The following PARD3 variants were observed in gnomAD, a reference collection of about 807,000 sequenced individuals.
The protein encoded by PARD3 is partitioning defective 3 homolog.
A neutral mutation model predicts 155.4 loss-of-function variants in PARD3; 75 were observed. The observed-to-expected ratio is 0.48, with a 90% confidence interval of 0.40 to 0.58. The LOEUF is 0.58. Ranked by LOEUF, PARD3 falls within the 20% of genes least tolerant of loss-of-function variation. PARD3 has a pLI of 0.00. For missense variants in PARD3, 1,642 were observed against 1,721.7 expected (o/e 0.95, Z 0.82); for synonymous variants, 576 against 610.5 (o/e 0.94, Z 0.83).
intron 3 of PARD3, among the ~76,000 whole-genome samples, chr10:34,497,249 A>G (rs1362479708): frequency 1.3e-5 from 2 of 152,222 alleles, no homozygotes; most frequent in African/African-American, 2.4e-5. Context: ...GAAAATAAAA[A>G]TAACAAATAA....
chr10:34,278,516 T>C (rs891295247), intron 21 of PARD3, among the ~76,000 whole-genome samples: 2 of 152,120 alleles, frequency 1.3e-5, no homozygotes, highest in African/African-American at 4.8e-5. Context: ...AGGAACCAGG[T>C]GGAGATAATT....
chr10:34,602,257 A>C (rs1037220929), intron 2 of PARD3, among the ~76,000 whole-genome samples: 9 of 152,198 alleles, frequency 5.9e-5, no homozygotes, highest in Non-Finnish European at 2.9e-5. Context: ...AAAAAATTTC[A>C]ATGTTACTAA....
intron 5 of PARD3, among the ~76,000 whole-genome samples, chr10:34,429,957 T>C (rs1285297736): frequency 6.6e-6 from 1 of 152,214 alleles, no homozygotes; most frequent in Non-Finnish European, 1.5e-5. Flanking sequence ...CTCGAACTCC[T>C]AGGCCCAAGC....
chr10:34,684,690 G>C (rs567999471), intron 2 of PARD3, among the ~76,000 whole-genome samples: 10 of 151,896 alleles, frequency 6.6e-5, no homozygotes, highest in Admixed American at 3.9e-4. Context: ...ACAGCCACCA[G>C]GGGGATATTT....
At chr10:34,600,169 T>C (rs1333706128) in intron 2 of PARD3, among the ~76,000 whole-genome samples, 1 of 134,718 alleles carries the variant, frequency 7.4e-6, no homozygotes, top group East Asian at 2.1e-4. Flanking sequence ...ACTCTGTCTC[T>C]ATCAAAAATA....
chr10:34,748,807 G>T (rs979644338), intron 1 of PARD3, among the ~76,000 whole-genome samples: 5 of 152,172 alleles, frequency 3.3e-5, no homozygotes, highest in African/African-American at 1.2e-4. Context: ...AGAGGTGGGT[G>T]ATGGTGCCTT....
chr10:34,248,421 C>A (rs929741408), intron 22 of PARD3, among the ~76,000 whole-genome samples: 1 of 152,230 alleles, frequency 6.6e-6, no homozygotes, highest in Non-Finnish European at 1.5e-5. Flanking sequence ...TTTTCTCTTT[C>A]AACCCCAATA....
At chr10:34,564,008 C>A (rs1406350561) in intron 2 of PARD3, among the ~76,000 whole-genome samples, 4 of 152,182 alleles carry the variant, frequency 2.6e-5, no homozygotes. Flanking sequence ...AATATCCTGA[C>A]ACTTAATGCA....
Position 34,261,825 on chromosome 10 carries a change from G to GAAAGAAACAAAC in PARD3, c.3419+7831_3419+7832insGTTTGTTTCTTT, listed in dbSNP as rs1238097146. Among the ~76,000 whole-genome samples, 864 of 138,878 alleles carry GAAAGAAACAAAC rather than the reference G, an allele frequency of 6.2e-3. 8 individuals are homozygous for GAAAGAAACAAAC. The highest frequency in any genetic ancestry group is 0.011 in the Middle Eastern group (3 of 276). 91.1% of individuals were successfully genotyped at this position (138,878 alleles called of 152,430 possible). On this transcript the variant is annotated intron_variant, in intron 22 of 24. Coordinates refer to ENST00000374788, the MANE Select transcript of PARD3 (RefSeq NM_001184785.2). ...AGAAAGAAAGAAAGAAAGAAAGAAAGAAACAAACAAACAAACAAACACACA... is the reference window on the plus strand; with the variant it reads ...AGAAAGAAAGAAAGAAAGAAAGAAAGAAAGAAACAAACAAACAAACAAACAAACAAACACACA...
At chr10:34,307,784 T>C (rs993974968) in intron 20 of PARD3, among the ~76,000 whole-genome samples, 1 of 152,144 alleles carries the variant, frequency 6.6e-6, no homozygotes, top group Non-Finnish European at 1.5e-5. Flanking sequence ...GCACTGATGA[T>C]GGACGCATCA....
intron 1 of PARD3, among the ~76,000 whole-genome samples, chr10:34,792,377 C>T (rs1841762052): frequency 6.6e-6 from 1 of 152,216 alleles, no homozygotes; most frequent in Non-Finnish European, 1.5e-5. Context: ...AGGTACCGCA[C>T]CCAGCACCAG....
intron 1 of PARD3, among the ~76,000 whole-genome samples, chr10:34,709,196 T>C (rs1353343695): frequency 1.3e-5 from 2 of 152,210 alleles, no homozygotes; most frequent in Non-Finnish European, 2.9e-5. Flanking sequence ...AAGTCATTTA[T>C]GTTTCAAATA....
At chr10:34,401,945 A>C in intron 5 of PARD3, 28 bp from the exon 6 acceptor site, 1 of 1,531,776 alleles carries the variant, frequency 6.5e-7, no homozygotes, top group Non-Finnish European at 9.0e-7. Flanking sequence ...AAAGAAAAGT[A>C]CACTCTGTGT....
At chr10:34,310,308 A>C (rs11009725) in intron 20 of PARD3, among the ~76,000 whole-genome samples, 9,469 of 152,268 alleles carry the variant, frequency 0.062, 878 homozygotes, top group African/African-American at 0.2. Context: ...GTATTTATTT[A>C]CCCTGTGTTA....
chr10:34,321,719 C>T (rs1271209551), intron 19 of PARD3, among the ~76,000 whole-genome samples: 2 of 152,190 alleles, frequency 1.3e-5, no homozygotes, highest in African/African-American at 4.8e-5. Flanking sequence ...AATTAAAATT[C>T]TAGTCCATGT....
At chr10:34,347,101 G>A (rs1015274436) in intron 15 of PARD3, among the ~76,000 whole-genome samples, 51 of 152,326 alleles carry the variant, frequency 3.3e-4, no homozygotes, top group African/African-American at 1.1e-3. Context: ...TGCATTAAAT[G>A]TACTCAAAAT....
At chr10:34,688,256 T>G (rs2093985945) in intron 2 of PARD3, among the ~76,000 whole-genome samples, 1 of 152,178 alleles carries the variant, frequency 6.6e-6, no homozygotes, top group South Asian at 2.1e-4. Context: ...GGAAAAATTA[T>G]CCACATTTCT....
chr10:34,129,523 A>C (rs980594779), intron 23 of PARD3, among the ~76,000 whole-genome samples: 11 of 152,126 alleles, frequency 7.2e-5, no homozygotes, highest in Admixed American at 6.5e-5. Flanking sequence ...CCACCTGGCT[A>C]CTGGGCCAGT....
At chr10:34,726,719 C>T (rs941893122) in intron 1 of PARD3, among the ~76,000 whole-genome samples, 1 of 151,608 alleles carries the variant, frequency 6.6e-6, no homozygotes, top group Non-Finnish European at 1.5e-5. Context: ...ACTGAGAATG[C>T]ACCACTGCAC....
Sources: gnomAD v4.1 joint callset for allele counts (sites outside exome capture counted in the v4.1 genomes callset) on GRCh38, gnomAD v4.1.1 for gene constraint, MANE v1.5 for transcripts, NCBI Gene and HGNC (gene_info 2026-07-23, HGNC 2026-07-21) for gene names.